The following MGAT4C variants were observed in gnomAD, a reference collection of about 807,000 sequenced individuals.
MGAT4C encodes alpha-1,3-mannosyl-glycoprotein 4-beta-N-acetylglucosaminyltransferase C.
In MGAT4C, 19 loss-of-function variants were observed where a neutral mutation model predicts 40.1. The observed-to-expected ratio is 0.47, with a 90% CI of 0.33 to 0.70. The LOEUF is 0.70. MGAT4C is among the 30% of genes least tolerant of loss of function. The probability of loss-of-function intolerance (pLI) is 0.02; values close to 1 mark genes in which losing one functional copy is unlikely to be tolerated. For synonymous variants in MGAT4C, 181 were observed against 187.1 expected, an observed-to-expected ratio of 0.97 and a Z score of 0.27; for missense variants, 491 against 563.2, an observed-to-expected ratio of 0.87 and a Z score of 1.30.
chr12:86,457,905 T>C (rs970292152), intron 2 of MGAT4C, among the ~76,000 whole-genome samples: 8 of 152,104 alleles, frequency 5.3e-5, no homozygotes. Context: ...GAATAATCCA[T>C]GTAAATAAAT....
chr12:86,683,625 G>A (rs1950021844), intron 2 of MGAT4C, among the ~76,000 whole-genome samples: 2 of 151,868 alleles, frequency 1.3e-5, no homozygotes. Flanking sequence ...ATGCTAATTT[G>A]TCTTATGTTA....
chr12:86,719,656 G>C (rs1193720204), intron 2 of MGAT4C, among the ~76,000 whole-genome samples: 1 of 152,090 alleles, frequency 6.6e-6, no homozygotes, highest in Non-Finnish European at 1.5e-5. Flanking sequence ...CATAAGAAGT[G>C]ACTGGTGTTT....
chr12:86,038,985 T>C (rs1891527974), intron 2 of MGAT4C, among the ~76,000 whole-genome samples: 1 of 149,848 alleles, frequency 6.7e-6, no homozygotes, highest in Admixed American at 6.7e-5. Context: ...TCTCCTTCGC[T>C]TATGAAGCTT....
rs185823091 is a variant in MGAT4C at position 86,358,353 on chromosome 12, C to A, written c.-119-24226G>T. On this transcript the variant is annotated intron_variant, in intron 3 of 7. Coordinates refer to the MGAT4C transcript ENST00000548651. Reference sequence around the variant, plus strand: ...CACTAAACATGGAAAGGAACAACCACTACCAGCCACTGCAAAAACATGCCA... The same window carrying A: ...CACTAAACATGGAAAGGAACAACCAATACCAGCCACTGCAAAAACATGCCA... Among the ~76,000 whole-genome samples, 1,002 of 152,256 alleles carry A rather than the reference C, an allele frequency of 6.6e-3. 10 individuals are homozygous for A. Among genetic ancestry groups the A allele is most frequent in the African/African-American group, 0.023 (957 of 41,564 alleles).
intron 2 of MGAT4C, among the ~76,000 whole-genome samples, chr12:86,469,095 C>T (rs1957722437): frequency 1.3e-5 from 2 of 152,010 alleles, no homozygotes; most frequent in Admixed American, 1.3e-4. Context: ...ATCCTATGGC[C>T]TAAAACACAC....
chr12:86,227,911 T>C (rs1484672724), intron 1 of MGAT4C, among the ~76,000 whole-genome samples: 1 of 151,918 alleles, frequency 6.6e-6, no homozygotes, highest in African/African-American at 2.4e-5. Flanking sequence ...CCCATTTTAA[T>C]ATCAGGCTAG....
intron 2 of MGAT4C, among the ~76,000 whole-genome samples, chr12:86,042,826 C>G (rs1891995368): frequency 1.4e-5 from 2 of 147,288 alleles, no homozygotes; most frequent in South Asian, 4.3e-4. Flanking sequence ...CAAGATCATG[C>G]CACTGCACTC....
chr12:86,366,573 G>C (rs1955601370), intron 3 of MGAT4C, among the ~76,000 whole-genome samples: 1 of 152,166 alleles, frequency 6.6e-6, no homozygotes, highest in Non-Finnish European at 1.5e-5. Flanking sequence ...CTACTAGGAG[G>C]AGGAGAGTGG....
chr12:86,310,602 G>A (rs1055808507), intron 4 of MGAT4C, among the ~76,000 whole-genome samples: 1 of 152,014 alleles, frequency 6.6e-6, no homozygotes, highest in Non-Finnish European at 1.5e-5. Flanking sequence ...GTGGCCTATG[G>A]CTACCAGACT....
intron 3 of MGAT4C, among the ~76,000 whole-genome samples, chr12:86,337,878 T>C (rs991888189): frequency 2.0e-5 from 3 of 152,178 alleles, no homozygotes; most frequent in African/African-American, 7.2e-5. Context: ...TAGAAGTCTT[T>C]GTAGGAATCA....
At chr12:86,558,075 TA>T (rs1163739000) in intron 2 of MGAT4C, among the ~76,000 whole-genome samples, 2 of 151,752 alleles carry the variant, frequency 1.3e-5, no homozygotes, top group Admixed American at 1.3e-4. Flanking sequence ...AATGAAAATT[TA>T]AAAATACAAT....
Position 86,472,984 on chromosome 12 carries a change from C to T in MGAT4C, c.-228-37719G>A, listed in dbSNP as rs1957777625. Reference sequence around the variant, plus strand: ...GTATTTATTTATTTAGAGATGGAGTCTCGCTCTGTTACCCAGGATGGAGTG... The same window carrying T: ...GTATTTATTTATTTAGAGATGGAGTTTCGCTCTGTTACCCAGGATGGAGTG... On this transcript the variant is annotated intron_variant, in intron 2 of 7. Transcript: ENST00000548651. Among the ~76,000 whole-genome samples, 4 of 152,098 alleles carry T rather than the reference C, an allele frequency of 2.6e-5. No individual in the cohort carries two copies. In the South Asian group the frequency reaches 8.3e-4, roughly 31 times the overall value.
intron 4 of MGAT4C, among the ~76,000 whole-genome samples, chr12:86,331,584 T>G (rs1357852161): frequency 6.6e-6 from 1 of 152,108 alleles, no homozygotes. Flanking sequence ...TTCTATCTAT[T>G]AGGAGACTGC....
At chr12:86,586,725 G>A (rs1490325059) in intron 2 of MGAT4C, among the ~76,000 whole-genome samples, 2 of 150,336 alleles carry the variant, frequency 1.3e-5, no homozygotes, top group Non-Finnish European at 3.0e-5. Context: ...TTTTTCATGT[G>A]TTGTTTGGCT....
chr12:86,729,189 A>G (rs565127526), intron 1 of MGAT4C, among the ~76,000 whole-genome samples: 9 of 152,274 alleles, frequency 5.9e-5, no homozygotes, highest in African/African-American at 1.7e-4. Flanking sequence ...ATTTAATTGT[A>G]CATTTAAAAT....
chr12:86,235,443 A>T (rs981840207), intron 1 of MGAT4C, among the ~76,000 whole-genome samples: 7 of 152,116 alleles, frequency 4.6e-5, no homozygotes, highest in African/African-American at 1.7e-4. Context: ...AACAGATTAC[A>T]ACATAAACTA....
chr12:86,387,686 A>G (rs1443366549), intron 3 of MGAT4C, among the ~76,000 whole-genome samples: 6 of 152,142 alleles, frequency 3.9e-5, no homozygotes, highest in Admixed American at 3.3e-4. Flanking sequence ...AATGGATTCA[A>G]TAACAAGCCC....
At chr12:86,583,788 A>C (rs1960890764) in intron 2 of MGAT4C, among the ~76,000 whole-genome samples, 1 of 151,150 alleles carries the variant, frequency 6.6e-6, no homozygotes, top group African/African-American at 2.4e-5. Flanking sequence ...AAAATTGTAA[A>C]CTGTCCTTCA....
chr12:86,091,729 G>C (rs1872920993), intron 1 of MGAT4C, among the ~76,000 whole-genome samples: 1 of 152,026 alleles, frequency 6.6e-6, no homozygotes, highest in African/African-American at 2.4e-5. Context: ...GATGCTCCTT[G>C]ATACAAAGGT....
Sources: allele counts gnomAD v4.1 joint callset (sites outside exome capture counted in the v4.1 genomes callset), GRCh38; gene constraint gnomAD v4.1.1; transcripts MANE v1.5; gene names NCBI Gene and HGNC (gene_info 2026-07-23, HGNC 2026-07-21).